Variants in RP1 observed in about 807,000 individuals in gnomAD.
RP1 encodes the protein RP1 axonemal microtubule associated, also known as oxygen-regulated protein 1.
Under a neutral mutation model 14.8 loss-of-function variants are expected in RP1, and 16 were observed. That is an observed-to-expected ratio of 1.08 (90% CI 0.73 to 1.65). RP1 has a LOEUF of 1.65. RP1 is among the 40% of genes most tolerant of loss of function. The probability of loss-of-function intolerance (pLI) is 0.00; values close to 1 mark genes in which losing one functional copy is unlikely to be tolerated. For missense variants in RP1, 2,631 were observed against 2,535.0 expected, an observed-to-expected ratio of 1.04 and a Z score of -0.81; for synonymous variants, 876 against 883.6, an observed-to-expected ratio of 0.99 and a Z score of 0.15.
At chr8:54,792,779 G>A (rs190288714) in intron 24 of RP1, among the ~76,000 whole-genome samples, 11 of 151,466 alleles carry the variant, frequency 7.3e-5, no homozygotes, top group Admixed American at 7.2e-4. Flanking sequence ...ACACTTCGAG[G>A]AATCAGAAAA....
chr8:54,570,408 A>C (rs6981073), intron 1 of RP1, among the ~76,000 whole-genome samples: 43,008 of 149,192 alleles, frequency 0.29, 6,719 homozygotes, highest in African/African-American at 0.43. Context: ...GGCTCACTGC[A>C]ACCTCCACCT....
intron 24 of RP1, among the ~76,000 whole-genome samples, chr8:54,830,438 CA>C (rs1811492457): frequency 6.6e-6 from 1 of 152,048 alleles, no homozygotes; most frequent in Non-Finnish European, 1.5e-5. Context: ...TCCCTCCCCC[CA>C]CTGACCTTCT....
chr8:54,641,727 A>C (rs955263267), intron 3 of RP1, among the ~76,000 whole-genome samples: 1 of 152,214 alleles, frequency 6.6e-6, no homozygotes, highest in Non-Finnish European at 1.5e-5. Flanking sequence ...AATTATAATG[A>C]AAATAACTTT....
In RP1 at chr8:54,851,601, C is replaced by T. The variant is rs117438849; in HGVS notation, c.3836-973C>T. The stretch of plus-strand genomic sequence containing the variant: ...TGCTTGAAATATTTCTTTGGTTGTC[C>T]TAAATTCATGAGAAGTGTTCTAATT... On this transcript the variant is annotated intron_variant, in intron 25 of 28. Transcript: ENST00000637698. Among the ~76,000 whole-genome samples the T allele has an allele frequency of 2.0e-3, 311 of 152,248 alleles. 1 individual carries two copies. Among genetic ancestry groups the T allele is most frequent in the Non-Finnish European group, 3.2e-3 (219 of 68,014 alleles).
chr8:54,785,778 G>A, intron 24 of RP1, among the ~76,000 whole-genome samples: 1 of 152,030 alleles, frequency 6.6e-6, no homozygotes, highest in East Asian at 1.9e-4. Flanking sequence ...TTTCCTTAAT[G>A]ACTAATGATG....
At chr8:54,786,369 G>T (rs929104179) in intron 24 of RP1, among the ~76,000 whole-genome samples, 2 of 151,964 alleles carry the variant, frequency 1.3e-5, no homozygotes, top group Non-Finnish European at 2.9e-5. Flanking sequence ...ATGATAAGTT[G>T]TTTATCTTCT....
chr8:54,605,532 A>G (rs1805413226), intron 1 of RP1, among the ~76,000 whole-genome samples: 1 of 151,834 alleles, frequency 6.6e-6, no homozygotes, highest in Non-Finnish European at 1.5e-5. Flanking sequence ...TGGGGTGGAG[A>G]GTTCTGCAGA....
intron 12 of RP1, among the ~76,000 whole-genome samples, chr8:54,689,590 C>G (rs1807660014): frequency 1.3e-5 from 2 of 152,098 alleles, no homozygotes; most frequent in Admixed American, 1.3e-4. Context: ...TCACTGTCAT[C>G]AGTGTTGCAT....
intron 25 of RP1, among the ~76,000 whole-genome samples, chr8:54,850,076 A>T (rs1346870737): frequency 6.6e-6 from 1 of 152,184 alleles, no homozygotes; most frequent in East Asian, 1.9e-4. Flanking sequence ...TTTAACATCA[A>T]CCATGATAAA....
At chr8:54,581,628 T>A (rs1196951324) in intron 1 of RP1, among the ~76,000 whole-genome samples, 3 of 152,192 alleles carry the variant, frequency 2.0e-5, no homozygotes, top group Non-Finnish European at 2.9e-5. Context: ...AGTAACAGTG[T>A]AAAACTATTC....
chr8:54,734,724 G>A (rs780284614), exon 18 of RP1: 1 of 1,532,098 alleles, frequency 6.5e-7, no homozygotes, highest in East Asian at 2.4e-5. Flanking sequence ...CTTCCTTCCA[G>A]GACACGAGGA....
chr8:54,603,855 A>G (rs1805356847), intron 1 of RP1, among the ~76,000 whole-genome samples: 2 of 152,194 alleles, frequency 1.3e-5, no homozygotes, highest in Admixed American at 6.5e-5. Context: ...TTATTGGTGT[A>G]TAAGAATGCT....
At chr8:54,783,440 G>C (rs1028031718) in intron 23 of RP1, 3 of 508,994 alleles carry the variant, frequency 5.9e-6, no homozygotes, top group Admixed American at 4.4e-5. Context: ...TTGATTTCAC[G>C]AACTATTCAT....
intron 12 of RP1, among the ~76,000 whole-genome samples, chr8:54,690,636 G>C (rs1034690101): frequency 1.3e-5 from 2 of 151,914 alleles, no homozygotes; most frequent in African/African-American, 2.4e-5. Context: ...ATATTAATAG[G>C]GGAATGGCTG....
chr8:54,689,767 C>T (rs1359269658), intron 12 of RP1, among the ~76,000 whole-genome samples: 1 of 151,984 alleles, frequency 6.6e-6, no homozygotes, highest in Non-Finnish European at 1.5e-5. Flanking sequence ...GTACACTCTA[C>T]CCACTTTTGT....
intron 1 of RP1, among the ~76,000 whole-genome samples, chr8:54,588,475 T>C (rs1197623088): frequency 6.6e-6 from 1 of 152,132 alleles, no homozygotes; most frequent in African/African-American, 2.4e-5. Flanking sequence ...AGCTGCAATA[T>C]TAGGATCTCA....
At chr8:54,677,211 AT>A (rs1446626603) in intron 8 of RP1, among the ~76,000 whole-genome samples, 1 of 151,910 alleles carries the variant, frequency 6.6e-6, no homozygotes, top group African/African-American at 2.4e-5. Flanking sequence ...AAACTGGGGC[AT>A]TTGATCACTG....
chr8:54,827,475 C>A (rs115633706), intron 24 of RP1, among the ~76,000 whole-genome samples: 15 of 151,968 alleles, frequency 9.9e-5, no homozygotes, highest in Non-Finnish European at 2.2e-4. Context: ...ACTCCAGGTG[C>A]GTGCCACCAT....
At chr8:54,870,483 A>G (rs963250774) in exon 29 of RP1, 1 of 152,012 alleles carries the variant, frequency 6.6e-6, no homozygotes, top group South Asian at 2.1e-4. Flanking sequence ...AAAGAACCCA[A>G]CCAATTGGGT....
Sources: allele counts gnomAD v4.1 joint callset (sites outside exome capture counted in the v4.1 genomes callset), GRCh38; gene constraint gnomAD v4.1.1; transcripts MANE v1.5; gene names NCBI Gene and HGNC (gene_info 2026-07-23, HGNC 2026-07-21).